The following CEL variants were observed in gnomAD, a reference collection of about 807,000 sequenced individuals.
CEL encodes bile salt-activated lipase.
A neutral mutation model predicts 57.1 loss-of-function variants in CEL; 39 were observed. The observed-to-expected ratio is 0.68, with a 90% CI of 0.53 to 0.89. The LOEUF (loss-of-function observed/expected upper bound fraction) is 0.89, where lower values mean the gene tolerates loss of function less well. Ranked by LOEUF, CEL falls within the 40% of genes least tolerant of loss-of-function variation. The pLI, the probability that CEL is intolerant of heterozygous loss-of-function variation, is 0.00. For missense variants in CEL, 698 were observed against 915.0 expected, an observed-to-expected ratio of 0.76 and a Z score of 3.06; for synonymous variants, 314 against 396.6, an observed-to-expected ratio of 0.79 and a Z score of 2.48.
chr9:133,065,129 C>G lies in CEL; in HGVS notation c.430C>G (p.Leu144Val). The G allele has an allele frequency of 6.2e-7, 1 of 1,614,018 alleles. No homozygotes were observed. Among genetic ancestry groups the G allele is most frequent in the Non-Finnish European group, 8.5e-7 (1 of 1,180,034 alleles). The change falls in exon 4 of 11, where the codon CTG becomes GTG. Residue 144 changes from leucine to valine, a missense_variant. By Grantham distance (32) the Leu-to-Val change is conservative. Coordinates refer to ENST00000372080, the MANE Select transcript of CEL (RefSeq NM_001807.6). ...GHGANFLNNY[L>V]YDGEEIATRG... ...TGGGGCCAACTTCCTCAACAACTACCTGTATGACGGCGAGGAGATCGCCAC... is the reference window on the plus strand; with the variant it reads ...TGGGGCCAACTTCCTCAACAACTACGTGTATGACGGCGAGGAGATCGCCAC...
chr9:133,068,766 C>G lies in CEL; in HGVS notation c.990C>G (p.Ile330Met). 2 of 1,593,754 alleles carry G rather than the reference C, an allele frequency of 1.3e-6. No individual in the cohort carries two copies. The highest frequency in any genetic ancestry group is 1.7e-6 in the Non-Finnish European group (2 of 1,169,346). ...ACCTGTACGCCAACGCCGCCGACATCGACTATATAGCAGGCACCAACAACA... is the reference window on the plus strand; with the variant it reads ...ACCTGTACGCCAACGCCGCCGACATGGACTATATAGCAGGCACCAACAACA... ...PINLYANAAD[I>M]DYIAGTNNMD... The change falls in exon 8 of 11, where the codon ATC becomes ATG. Residue 330 changes from isoleucine (I) to methionine (M), a missense_variant. By Grantham distance (10) the Ile-to-Met change is conservative (BLOSUM62 1). Transcript: ENST00000372080.
In CEL at chr9:133,066,897, C is replaced by G. The variant is rs1426099199; in HGVS notation, c.729C>G (p.Ala243=). The G allele has an allele frequency of 6.2e-7, 1 of 1,613,550 alleles. No homozygotes were observed. The highest frequency in any genetic ancestry group is 1.7e-5 in the Admixed American group (1 of 59,980). Residue 243 remains alanine (A), a synonymous_variant, in exon 6 of 11, where the codon GCC becomes GCG. Coordinates refer to ENST00000372080, the MANE Select transcript of CEL (RefSeq NM_001807.6). This position sits in a 1 kb window ranked among gnomAD's most constrained non-coding sequence, Gnocchi z 4.3. ...GAGCCATCAGCCAGAGCGGCGTGGC[C>G]CTGAGTCCCTGGGTCATCCAGAAAA... The part of the protein sequence containing the change: ...IRRAISQSGV[A]LSPWVIQKNP...
rs565887585 is a variant in CEL, at chr9:133,062,037, C to T, written c.35C>T (p.Thr12Ile). ...GRLQLVVLGLTCCWAVASAAK... is the reference protein window; with the variant it reads ...GRLQLVVLGLICCWAVASAAK... ...CTGCAACTGGTTGTGTTGGGCCTCACCTGCTGCTGGGCAGTGGCGAGTGCC... is the reference window on the plus strand; with the variant it reads ...CTGCAACTGGTTGTGTTGGGCCTCATCTGCTGCTGGGCAGTGGCGAGTGCC... Residue 12 changes from threonine (T) to isoleucine (I), a missense_variant, in exon 1 of 11, where the codon ACC becomes ATC. Transcript: ENST00000372080. 5.2e-6 allele frequency: 8 copies of T among 1,548,390 alleles called. No individual in the cohort carries two copies. In the African/African-American group the frequency reaches 1.1e-4, roughly 21 times the overall value.
chr9:133,070,886 C>T (rs1270852361), intron 10 of CEL, 101 bp from the exon 11 acceptor site: 8 of 1,424,274 alleles, frequency 5.6e-6, no homozygotes, highest in Middle Eastern at 2.4e-4. Flanking sequence ...GTGCCCAGGG[C>T]CAGCTCAGAG....
chr9:133,064,428 G>A lies in CEL; in HGVS notation c.91G>A (p.Gly31Arg), dbSNP rs1830140935. The change falls in exon 2 of 11, where the codon GGG becomes AGG. Residue 31 changes from glycine (G) to arginine (R), a missense_variant. By Grantham distance (125) the Gly-to-Arg change is moderately radical. Around this residue, in one of 6 missense-constraint regions of CEL, gnomAD observed 327 missense variants for 374.1 expected, o/e 0.87. Coordinates refer to ENST00000372080, the MANE Select transcript of CEL (RefSeq NM_001807.6). ...AKLGAVYTEG[G>R]FVEGVNKKLG... The stretch of plus-strand genomic sequence containing the variant: ...GCTGGGCGCCGTGTACACAGAAGGT[G>A]GGTTCGTGGAAGGCGTCAATAAGAA... 4.3e-6 allele frequency: 7 copies of A among 1,614,108 alleles called. No individual in the cohort carries two copies. Among genetic ancestry groups the A allele is most frequent in the Non-Finnish European group, 5.9e-6 (7 of 1,180,022 alleles).
chr9:133,067,144 G>A lies in CEL; in HGVS notation c.834G>A (p.Leu278=), dbSNP rs781325625. The A allele has an allele frequency of 3.1e-6, 5 of 1,614,096 alleles. No individual in the cohort carries two copies. The Admixed American group carries it at 6.7e-5, about 22-fold the overall frequency. ...ATGCCGCCAGGATGGCCCAGTGTCTGAAGGTTACTGATCCCCGAGCCCTGA... is the reference window on the plus strand; with the variant it reads ...ATGCCGCCAGGATGGCCCAGTGTCTAAAGGTTACTGATCCCCGAGCCCTGA... The part of the protein sequence containing the change: ...VGDAARMAQC[L]KVTDPRALTL... Residue 278 remains leucine, a synonymous_variant, in exon 7 of 11, where the codon CTG becomes CTA. Transcript: ENST00000372080.
intron 6 of CEL, 42 bp from the exon 7 acceptor site, chr9:133,067,046 G>C (rs754070066): frequency 1.2e-6 from 2 of 1,611,398 alleles, no homozygotes; most frequent in African/African-American, 1.3e-5. Context: ...TGAGCCCTGA[G>C]CTCCGGCCTC....
In CEL at chr9:133,066,976, T is replaced by TG; in HGVS notation, c.777+36dup. On this transcript the variant is annotated intron_variant, in intron 6 of 10. Transcript: ENST00000372080. The surrounding 1 kb of genome is among the most constrained non-coding windows in gnomAD (Gnocchi z 4.3). ...CGGAGGAGGGCAGGGCTGGGCGGGG[T>TG]GGGGGCTGTCCACATTTCCGTTCTT... The TG allele has an allele frequency of 4.8e-5, 36 of 753,416 alleles. No homozygotes were observed. Among genetic ancestry groups the TG allele is most frequent in the Non-Finnish European group, 7.7e-5 (35 of 453,992 alleles). The allele number at this position is 753,416 out of a possible 1,614,324, so 46.7% of individuals were successfully genotyped here. A position where few individuals can be genotyped will look rare whatever the true frequency, so the allele number is the denominator to read the frequency against.
rs1469756376 is a variant in CEL, at chr9:133,071,106, G to T, written c.1604G>T (p.Arg535Ile). The change falls in exon 11 of 11, where the codon AGA becomes ATA. Residue 535 changes from arginine (R) to isoleucine (I), a missense_variant. Around this residue, in one of 6 missense-constraint regions of CEL, gnomAD observed 111 missense variants for 147.3 expected, o/e 0.75. Transcript: ENST00000372080. The stretch of plus-strand genomic sequence containing the variant: ...AGCAGCTCCATGAAGCGGAGCCTGA[G>T]AACCAACTTCCTGCGCTACTGGACC... ...MGSSSMKRSL[R>I]TNFLRYWTLT... 1 of 1,610,832 alleles carries T rather than the reference G, an allele frequency of 6.2e-7. No homozygotes were observed. The highest frequency in any genetic ancestry group is 1.3e-5 in the African/African-American group (1 of 74,962).
At chr9:133,069,676 T>G (rs1830233484) in intron 9 of CEL, among the ~76,000 whole-genome samples, 1 of 152,006 alleles carries the variant, frequency 6.6e-6, no homozygotes, top group African/African-American at 2.4e-5. Flanking sequence ...TAGCCAATTA[T>G]AATAAAAAAT....
In CEL at chr9:133,065,572, C is replaced by T. The variant is rs778557529; in HGVS notation, c.538+335C>T. Among the ~76,000 whole-genome samples the T allele has an allele frequency of 7.9e-5, 12 of 152,088 alleles. No individual in the cohort carries two copies. The East Asian group carries it at 1.7e-3, about 22-fold the overall frequency. On this transcript the variant is annotated intron_variant, in intron 4 of 10. Transcript: ENST00000372080. ...AATTAAAAATTAGCTGGGGACTGGG[C>T]GCGGCGGCTCACCCCTGTAATCCCA...
intron 9 of CEL, among the ~76,000 whole-genome samples, chr9:133,070,139 G>T (rs1484208354): frequency 6.7e-6 from 1 of 149,200 alleles, no homozygotes; most frequent in Non-Finnish European, 1.5e-5. Flanking sequence ...AACAGTTGAG[G>T]GCCTATACCT....
Position 133,070,537 on chromosome 9 carries a change from C to T in CEL, c.1363C>T (p.His455Tyr). ...CTACCCCAAATGGGTGGGGGCCGAC[C>T]ATGCAGATGACATTCAGTACGTTTT... ...PVYPKWVGAD[H>Y]ADDIQYVFGK... is the part of the protein sequence containing the mutation. Residue 455 changes from histidine to tyrosine, a missense_variant, in exon 10 of 11, where the codon CAT (histidine) becomes TAT (tyrosine). Transcript: ENST00000372080. 1 of 1,614,088 alleles carries T rather than the reference C, an allele frequency of 6.2e-7. No individual in the cohort carries two copies.
chr9:133,068,421 G>A (rs1347413784), intron 7 of CEL, among the ~76,000 whole-genome samples: 1 of 152,082 alleles, frequency 6.6e-6, no homozygotes, highest in African/African-American at 2.4e-5. Flanking sequence ...GTGTGGCAGG[G>A]CCTGGAGACA....
Position 133,064,684 on chromosome 9 carries a change from A to G in CEL, c.262A>G (p.Thr88Ala), listed in dbSNP as rs757634321. Residue 88 changes from threonine (T) to alanine (A), a missense_variant, in exon 3 of 11, where the codon ACC (threonine) becomes GCC (alanine). By Grantham distance (58) the Thr-to-Ala change is moderately conservative. This residue lies in a region of CEL where 327 missense variants were observed against 374.1 expected (regional missense o/e 0.87). Transcript: ENST00000372080. ...CTTCAAGAAGAGATGCCTGCAGGCC[A>G]CCATCACCCAGGACAGCACCTACGG... ...KNFKKRCLQA[T>A]ITQDSTYGDE... 1 of 1,614,084 alleles carries G rather than the reference A, an allele frequency of 6.2e-7. No homozygotes were observed. The highest frequency in any genetic ancestry group is 1.7e-5 in the Admixed American group (1 of 60,030).
rs779607545 is a variant in CEL, at chr9:133,066,668, G to C, written c.669+8G>C. On this transcript the variant is annotated splice_region_variant and intron_variant, in intron 5 of 10. Transcript: ENST00000372080. This position sits in a 1 kb window ranked among gnomAD's most constrained non-coding sequence, Gnocchi z 4.3. ...GCCAGCGTCTCTCTGCAGGTCTCGG[G>C]ATCCCTGTGGGGAGGGCCTGCCCCA... The C allele has an allele frequency of 5.6e-6, 9 of 1,612,742 alleles. No individual in the cohort carries two copies. Among genetic ancestry groups the C allele is most frequent in the Non-Finnish European group, 7.6e-6 (9 of 1,179,326 alleles).
At chr9:133,067,226 G>A (rs1246224969) in intron 7 of CEL, 21 bp downstream of exon 7, 3 of 1,607,454 alleles carry the variant, frequency 1.9e-6, no homozygotes, top group Admixed American at 1.7e-5. Context: ...GCTCGGGTTG[G>A]CCCATGGGGT....
rs1456993116 is a variant in CEL at position 133,062,219 on chromosome 9, C to T, written c.66+151C>T. On this transcript the variant is annotated intron_variant, in intron 1 of 10. Coordinates refer to ENST00000372080, the MANE Select transcript of CEL (RefSeq NM_001807.6). Reference sequence around the variant, plus strand: ...CTATGGGGACAGGTGCCAGGTAGAACACAGGATGCCCAATTCCATTTGAAT... The same window carrying T: ...CTATGGGGACAGGTGCCAGGTAGAATACAGGATGCCCAATTCCATTTGAAT... 20 of 1,162,314 alleles carry T rather than the reference C, an allele frequency of 1.7e-5. 1 individual carries two copies. Among genetic ancestry groups the T allele is most frequent in the Admixed American group, 2.3e-5 (1 of 44,114 alleles). The allele number at this position is 1,162,314 out of a possible 1,614,324, so 72.0% of individuals were successfully genotyped here. A position where few individuals can be genotyped will look rare whatever the true frequency, so the allele number is the denominator to read the frequency against.
chr9:133,064,195 G>A (rs1830136884), intron 1 of CEL, among the ~76,000 whole-genome samples: 1 of 152,192 alleles, frequency 6.6e-6, no homozygotes, highest in Non-Finnish European at 1.5e-5. Flanking sequence ...TCTGGGAGCA[G>A]GACACCCCCA....
Sources: allele counts gnomAD v4.1 joint callset (sites outside exome capture counted in the v4.1 genomes callset), GRCh38; gene constraint gnomAD v4.1.1; regional missense constraint gnomAD v4.1.1; non-coding constraint Gnocchi (gnomAD v3.1); transcripts MANE v1.5; gene names NCBI Gene and HGNC (gene_info 2026-07-23, HGNC 2026-07-21).